NFIB: variants seen among roughly 807,000 people sequenced by gnomAD.
The protein encoded by NFIB is nuclear factor 1 B-type.
A neutral mutation model predicts 61.5 loss-of-function variants in NFIB; 11 were observed. That is an observed-to-expected ratio of 0.18 (90% confidence interval 0.11 to 0.30). The LOEUF (loss-of-function observed/expected upper bound fraction) is 0.30, where lower values mean the gene tolerates loss of function less well. Ranked by LOEUF, NFIB falls within the 10% of genes least tolerant of loss-of-function variation. The pLI is 1.00. For synonymous variants in NFIB, 260 were observed against 216.5 expected (o/e 1.20, Z -1.76); for missense variants, 471 against 608.9 (o/e 0.77, Z 2.38).
chr9:14,152,757 A>G (rs1234068856), intron 4 of NFIB, among the ~76,000 whole-genome samples: 1 of 151,822 alleles, frequency 6.6e-6, no homozygotes, highest in Non-Finnish European at 1.5e-5. Context: ...TTCCAGAAAG[A>G]TTATTCCGCA....
intron 1 of NFIB, among the ~76,000 whole-genome samples, chr9:14,364,149 T>G (rs1307044068): frequency 6.6e-6 from 1 of 152,206 alleles, no homozygotes; most frequent in African/African-American, 2.4e-5. Context: ...CCTCCAATAA[T>G]TTTATACCCA....
chr9:14,417,867 G>C, the NFIB span, among the ~76,000 whole-genome samples: 2 of 135,692 alleles, frequency 1.5e-5, no homozygotes, highest in Non-Finnish European at 3.0e-5. Context: ...TGCAACCTCT[G>C]CCTCCCGAGT....
the NFIB span, among the ~76,000 whole-genome samples, chr9:14,466,520 C>T: frequency 6.6e-6 from 1 of 152,090 alleles, no homozygotes; most frequent in Non-Finnish European, 1.5e-5. Flanking sequence ...ATCATGAGGC[C>T]AGAGGAAAAA....
intron 4 of NFIB, among the ~76,000 whole-genome samples, chr9:14,152,045 A>G (rs952404806): frequency 1.3e-5 from 2 of 152,146 alleles, no homozygotes; most frequent in African/African-American, 4.8e-5. Context: ...TTAACTTAAA[A>G]TATTTTTAAG....
chr9:14,459,056 C>T, the NFIB span, among the ~76,000 whole-genome samples: 61,237 of 151,588 alleles, frequency 0.4, 13,246 homozygotes, highest in Admixed American at 0.52. Context: ...CCCGCATTGC[C>T]AAGTCAATCC....
intron 1 of NFIB, among the ~76,000 whole-genome samples, chr9:14,334,263 CTGTGGTAAATTT>C (rs1435048136): frequency 1.8e-4 from 27 of 152,120 alleles, no homozygotes; most frequent in Non-Finnish European, 1.5e-4. Context: ...TAAAGTATGC[CTGTGGTAAATTT>C]TCGTAGACAA....
intron 1 of NFIB, among the ~76,000 whole-genome samples, chr9:14,371,069 T>C (rs1302170729): frequency 6.6e-6 from 1 of 152,186 alleles, no homozygotes; most frequent in Non-Finnish European, 1.5e-5. Flanking sequence ...CACTCCAGCC[T>C]GGGTGATAGA....
chr9:14,352,202 T>TA (rs1388062589), intron 1 of NFIB, among the ~76,000 whole-genome samples: 1 of 152,146 alleles, frequency 6.6e-6, no homozygotes, highest in Non-Finnish European at 1.5e-5. Context: ...GAAAACAGCA[T>TA]AAAATGAAAG....
At chr9:14,315,736 C>T (rs1052131339), upstream of NFIB, among the ~76,000 whole-genome samples, 3 of 151,810 alleles carry the variant, frequency 2.0e-5, no homozygotes, top group East Asian at 3.9e-4. Flanking sequence ...CTTTCTGCAC[C>T]CCCCGCCCAC....
intron 5 of NFIB, among the ~76,000 whole-genome samples, chr9:14,147,340 T>C (rs2042376123): frequency 6.6e-6 from 1 of 152,102 alleles, no homozygotes; most frequent in Admixed American, 6.6e-5. Flanking sequence ...TTTAATCATC[T>C]GTAAATTGGA....
intron 1 of NFIB, among the ~76,000 whole-genome samples, chr9:14,309,941 T>C (rs2060205757): frequency 1.3e-5 from 2 of 152,240 alleles, no homozygotes; most frequent in Admixed American, 1.3e-4. Flanking sequence ...CCATGCTTTT[T>C]AAAATGCAAT....
chr9:14,102,385 G>C, intron 10 of NFIB: 1 of 1,483,552 alleles, frequency 6.7e-7, no homozygotes, highest in Non-Finnish European at 9.2e-7. Flanking sequence ...GTAATTTTTA[G>C]GTGTAAGTGT....
chr9:14,388,881 G>T (rs186984973), intron 1 of NFIB, among the ~76,000 whole-genome samples: 1 of 152,210 alleles, frequency 6.6e-6, no homozygotes, highest in Admixed American at 6.5e-5. Context: ...TAAAAAACAG[G>T]AATAACTAGA....
the NFIB span, among the ~76,000 whole-genome samples, chr9:14,522,328 G>A: frequency 2.6e-5 from 4 of 152,110 alleles, no homozygotes; most frequent in Admixed American, 6.5e-5. Context: ...TTCATGCTAC[G>A]TAAACATGTG....
chr9:14,332,765 C>A (rs2060837893), intron 1 of NFIB, among the ~76,000 whole-genome samples: 1 of 152,134 alleles, frequency 6.6e-6, no homozygotes, highest in Non-Finnish European at 1.5e-5. Flanking sequence ...ACAGTACGAA[C>A]AAAACCAGTG....
At chr9:14,367,295 G>T (rs551858989) in intron 1 of NFIB, among the ~76,000 whole-genome samples, 2 of 152,122 alleles carry the variant, frequency 1.3e-5, no homozygotes, top group East Asian at 1.9e-4. Context: ...TCTTGTGTGG[G>T]TACAAAGACT....
intron 6 of NFIB, among the ~76,000 whole-genome samples, chr9:14,128,695 C>CA (rs202216145): frequency 0.13 from 10,369 of 79,360 alleles, 1,050 homozygotes; most frequent in African/African-American, 0.28. Flanking sequence ...AACTCTGTCT[C>CA]AAAAAAAAAA....
chr9:14,384,853 T>C (rs1183707833), intron 1 of NFIB, among the ~76,000 whole-genome samples: 2 of 152,158 alleles, frequency 1.3e-5, no homozygotes, highest in Non-Finnish European at 2.9e-5. Context: ...ACACCTTGCA[T>C]CCAAGATTGT....
intron 2 of NFIB, among the ~76,000 whole-genome samples, chr9:14,256,881 G>A (rs941639783): frequency 1.3e-5 from 2 of 152,180 alleles, no homozygotes; most frequent in African/African-American, 4.8e-5. Context: ...ACCAGGAACT[G>A]AGCTTCCATG....
Sources: allele counts gnomAD v4.1 joint callset (sites outside exome capture counted in the v4.1 genomes callset), GRCh38; gene constraint gnomAD v4.1.1; transcripts MANE v1.5; gene names NCBI Gene and HGNC (gene_info 2026-07-23, HGNC 2026-07-21).